The following BICDL2 variants were observed in gnomAD, a reference collection of about 807,000 sequenced individuals.
The protein encoded by BICDL2 is BICD family-like cargo adapter 2.
BICDL2 carries 62 observed loss-of-function variants against 56.6 expected under a neutral mutation model. The observed-to-expected ratio is 1.10, with a 90% CI of 0.89 to 1.35. The LOEUF is 1.35. Among genes scored for constraint, BICDL2 ranks in the 40% most tolerant of loss-of-function variants. BICDL2 has a pLI of 0.00. For missense variants in BICDL2, 808 were observed against 684.5 expected (o/e 1.18, Z -2.01); for synonymous variants, 358 against 319.8 (o/e 1.12, Z -1.27).
rs748944507 is a variant in BICDL2, at chr16:3,035,416, G to C, written c.81C>G (p.Phe27Leu). ...GASPSGDEGF[F>L]PFVLERRDSF... ...AGTCCCGCCGCTCCAGCACAAAGGG[G>C]AAGAAGCCCTCGTCGCCGCTGGGAG... The change falls in exon 2 of 10, where the codon TTC becomes TTG. Residue 27 changes from phenylalanine (F) to leucine (L), a missense_variant. Transcript: ENST00000572449. The C allele has an allele frequency of 6.2e-7, 1 of 1,612,686 alleles. No individual in the cohort carries two copies. The highest frequency in any genetic ancestry group is 1.3e-5 in the African/African-American group (1 of 75,054).
intron 2 of BICDL2, among the ~76,000 whole-genome samples, chr16:3,033,823 G>T (rs1368167009): frequency 6.6e-6 from 1 of 152,044 alleles, no homozygotes; most frequent in Non-Finnish European, 1.5e-5. Context: ...AGAGTCCAAG[G>T]AGGTGCACAG....
At position 3,030,610 on chromosome 16, in the gene BICDL2, G is replaced by A; in HGVS notation, c.616-15C>T. The A allele has an allele frequency of 1.3e-6, 2 of 1,596,312 alleles. No individual in the cohort carries two copies. Among genetic ancestry groups the A allele is most frequent in the Non-Finnish European group, 1.7e-6 (2 of 1,174,768 alleles). On this transcript the variant is annotated splice_polypyrimidine_tract_variant and intron_variant, in intron 4 of 9. Coordinates refer to ENST00000572449, the MANE Select transcript of BICDL2 (RefSeq NM_001369667.1). ...AGCATCTGGTTCTGGGGAAAGGCCT[G>A]AGAGCTGGGGACAGGGGCAGCCCCT...
In BICDL2 at chr16:3,030,728, G is replaced by A. The variant is rs374470339; in HGVS notation, c.583C>T (p.Leu195=). The change falls in exon 4 of 10, where the codon CTG becomes TTG. Residue 195 remains leucine (L), a synonymous_variant. Coordinates refer to ENST00000572449, the MANE Select transcript of BICDL2 (RefSeq NM_001369667.1). The part of the protein sequence containing the change: ...CQAQALAGAE[L]RTRLESLQGE... ...TGCAGACTCTCCAGCCGCGTCCTCA[G>A]CTCTGCTCCAGCCAGTGCCTGAGCC... 190 of 1,612,532 alleles carry A rather than the reference G, an allele frequency of 1.2e-4. No homozygotes were observed. Among genetic ancestry groups the A allele is most frequent in the Non-Finnish European group, 1.6e-4 (188 of 1,179,794 alleles).
intron 2 of BICDL2, chr16:3,031,696 C>T (rs1955658848): frequency 5.0e-6 from 2 of 400,288 alleles, no homozygotes; most frequent in Non-Finnish European, 8.8e-6. Context: ...GGGGGTTAAC[C>T]TCTGGCCCAC....
At chr16:3,035,181 A>ACACCCCCC in intron 2 of BICDL2, 34 bp downstream of exon 2, 1 of 34,310 alleles carries the variant, frequency 2.9e-5, no homozygotes, top group Non-Finnish European at 5.3e-5. Context: ...TCCCCTGCCC[A>ACACCCCCC]CCCACCCACC....
chr16:3,028,487 A>G lies in BICDL2; in HGVS notation c.1239-19T>C. 1 of 1,570,768 alleles carries G rather than the reference A, an allele frequency of 6.4e-7. No individual in the cohort carries two copies. Among genetic ancestry groups the G allele is most frequent in the Non-Finnish European group, 8.6e-7 (1 of 1,167,254 alleles). ...CAGGGCCCTAGGCGGGCAGGAGCAG[A>G]AGACGCGTTTGAGGGCGCTAGGGCC... On this transcript the variant is annotated intron_variant, in intron 8 of 9. Coordinates refer to ENST00000572449, the MANE Select transcript of BICDL2 (RefSeq NM_001369667.1).
At position 3,031,051 on chromosome 16, in the gene BICDL2, G is replaced by T. The variant is rs1955646699; in HGVS notation, c.382C>A (p.Leu128Met). The T allele has an allele frequency of 6.5e-7, 1 of 1,539,318 alleles. No homozygotes were observed. The highest frequency in any genetic ancestry group is 1.4e-5 in the African/African-American group (1 of 73,220). The change falls in exon 3 of 10, where the codon CTG (leucine) becomes ATG (methionine). Residue 128 changes from leucine to methionine, a missense_variant. Transcript: ENST00000572449. ...AVELEGDVEALRAQLGEQRSE... is the reference protein window; with the variant it reads ...AVELEGDVEAMRAQLGEQRSE... The stretch of plus-strand genomic sequence containing the variant: ...CGCTGCTCCCCAAGCTGGGCCCGCA[G>T]GGCCTCCACGTCCCCCTCCAGCTCC...
chr16:3,034,126 G>A (rs1039229160), intron 2 of BICDL2, among the ~76,000 whole-genome samples: 1 of 152,196 alleles, frequency 6.6e-6, no homozygotes, highest in African/African-American at 2.4e-5. Context: ...TCAATGGAGA[G>A]TCATGGAAAG....
intron 2 of BICDL2, among the ~76,000 whole-genome samples, chr16:3,034,108 G>A (rs2526275): frequency 0.36 from 54,432 of 151,864 alleles, 10,088 homozygotes; most frequent in Admixed American, 0.39. Flanking sequence ...CATTGGGCTG[G>A]GCAAGAATCA....
chr16:3,029,284 T>C lies in BICDL2; in HGVS notation c.1103A>G (p.Asp368Gly), dbSNP rs749974622. Reference protein sequence around the residue: ...EKEVEVAKLQDEISLQQAELQ... With the variant: ...EKEVEVAKLQGEISLQQAELQ... ...GCACCGTGCCCTCTGCCCCACCTCA[T>C]CTTGCAGCTTGGCCACTTCCACCTC... The change falls in exon 7 of 10, where the codon GAT (aspartate) becomes GGT (glycine). Residue 368 changes from aspartate (D) to glycine (G), a missense_variant. Physicochemically the swap from Asp to Gly is moderately conservative, Grantham distance 94. Transcript: ENST00000572449. The C allele has an allele frequency of 1.9e-6, 3 of 1,610,888 alleles. No homozygotes were observed. In the South Asian group the frequency reaches 3.3e-5, roughly 18 times the overall value.
chr16:3,035,196 C>T lies in BICDL2; in HGVS notation c.282+19G>A. The T allele has an allele frequency of 2.6e-6, 1 of 381,878 alleles. No homozygotes were observed. Among genetic ancestry groups the T allele is most frequent in the East Asian group, 8.1e-5 (1 of 12,340 alleles). 23.7% of individuals were successfully genotyped at this position (381,878 alleles called of 1,614,324 possible). A position where few individuals can be genotyped will look rare whatever the true frequency, so the allele number is the denominator to read the frequency against. On this transcript the variant is annotated intron_variant, in intron 2 of 9. Coordinates refer to ENST00000572449, the MANE Select transcript of BICDL2 (RefSeq NM_001369667.1). ...TCCCCTGCCCACCCACCCACCCACC[C>T]CGTCCAGTGCTAGCTCACTTCCTCA... is the stretch of plus-strand genomic sequence containing the variant.
At position 3,029,409 on chromosome 16, in the gene BICDL2, G is replaced by A. The variant is rs1326125785; in HGVS notation, c.978C>T (p.Thr326=). The A allele has an allele frequency of 5.0e-6, 8 of 1,606,262 alleles. No individual in the cohort carries two copies. Among genetic ancestry groups the A allele is most frequent in the Non-Finnish European group, 6.8e-6 (8 of 1,178,816 alleles). ...GDTPTTRSPK[T]RKASSPQPSP... ...AAGGCTGGGGGCTGGACGCCTTTCG[G>A]GTCTTTGGGGACCGGGTGGTCTGTG... Residue 326 remains threonine, a synonymous_variant, in exon 7 of 10, where the codon ACC becomes ACT. Transcript: ENST00000572449.
intron 7 of BICDL2, 44 bp from the exon 8 acceptor site, chr16:3,028,874 GCCTCCCTGCTTCTCCCAGCAGCCCCGA>G (rs1955604332): frequency 6.6e-7 from 1 of 1,513,938 alleles, no homozygotes. Context: ...GGGCCAATGG[GCCTCCCTGCTTCTCCCAGCAGCCCCGA>G]CTCTGGCTCT....
At position 3,030,269 on chromosome 16, in the gene BICDL2, G is replaced by T. The variant is rs182105415; in HGVS notation, c.762+180C>A. ...TGCCAGGCTCTGATGCACTCTAAGA[G>T]CATGCCTCACCTGCTCAACAGCCTT... is the stretch of plus-strand genomic sequence containing the variant. On this transcript the variant is annotated intron_variant, in intron 5 of 9. Coordinates refer to ENST00000572449, the MANE Select transcript of BICDL2 (RefSeq NM_001369667.1). The T allele has an allele frequency of 3.4e-4, 261 of 757,268 alleles. 1 individual carries two copies. Among genetic ancestry groups the T allele is most frequent in the Admixed American group, 2.8e-3 (96 of 33,878 alleles). 46.9% of individuals were successfully genotyped at this position (757,268 alleles called of 1,614,324 possible).
intron 2 of BICDL2, 39 bp downstream of exon 2, chr16:3,035,176 T>TTGGGCCGGGGGGGGGGGG: frequency 1.5e-5 from 2 of 136,274 alleles, no homozygotes; most frequent in Non-Finnish European, 2.7e-5. Flanking sequence ...CGTCCTCCCC[T>TTGGGCCGGGGGGGGGGGG]GCCCACCCAC....
At position 3,029,721 on chromosome 16, in the gene BICDL2, C is replaced by A; in HGVS notation, c.781G>T (p.Glu261Ter). The A allele has an allele frequency of 6.5e-7, 1 of 1,536,048 alleles. No individual in the cohort carries two copies. Among genetic ancestry groups the A allele is most frequent in the South Asian group, 1.2e-5 (1 of 84,148 alleles). ...HSLELERARS[E>*]AGEALSALRR... ...AGCGCACTCAGCGCCTCCCCAGCCT[C>A]TGACCGTGCGCGTTCCAGCTGTGGA... Residue 261 changes from glutamate (E) to a stop codon, truncating the protein, a stop_gained, in exon 6 of 10, where the codon GAG (glutamate) becomes TAG (stop). Coordinates refer to ENST00000572449, the MANE Select transcript of BICDL2 (RefSeq NM_001369667.1). LOFTEE classifies it high-confidence loss of function.
chr16:3,036,725 C>A (rs1004827215), intron 1 of BICDL2, 169 bp downstream of exon 1: 4 of 438,122 alleles, frequency 9.1e-6, no homozygotes, highest in Non-Finnish European at 1.8e-5. Flanking sequence ...CCCAGAGAAG[C>A]GGCTGGGCTC....
intron 2 of BICDL2, 40 bp downstream of exon 2, chr16:3,035,175 C>CAGGGCCCCGGGGGGGGGGGGGGGGGGG: frequency 2.6e-6 from 1 of 387,928 alleles, no homozygotes; most frequent in Non-Finnish European, 4.2e-6. Flanking sequence ...CCGTCCTCCC[C>CAGGGCCCCGGGGGGGGGGGGGGGGGGG]TGCCCACCCA....
chr16:3,028,036 T>G lies in BICDL2; in HGVS notation c.*70A>C. Reference sequence around the variant, plus strand: ...TTCTTTTGGAAGACAATCTGGGCCCTGTCGCTCCATTGGCCTGAAGAGGAA... The same window carrying G: ...TTCTTTTGGAAGACAATCTGGGCCCGGTCGCTCCATTGGCCTGAAGAGGAA... On this transcript the variant is annotated 3_prime_UTR_variant, in exon 10 of 10. Transcript: ENST00000572449. 1 of 1,388,290 alleles carries G rather than the reference T, an allele frequency of 7.2e-7. No individual in the cohort carries two copies. Among genetic ancestry groups the G allele is most frequent in the Non-Finnish European group, 9.3e-7 (1 of 1,073,084 alleles). The allele number at this position is 1,388,290 out of a possible 1,614,324, so 86.0% of individuals were successfully genotyped here.
Sources: allele counts gnomAD v4.1 joint callset (sites outside exome capture counted in the v4.1 genomes callset), GRCh38; gene constraint gnomAD v4.1.1; transcripts MANE v1.5; gene names NCBI Gene and HGNC (gene_info 2026-07-23, HGNC 2026-07-21).